NHS: variants seen among roughly 807,000 people sequenced by gnomAD.
NHS encodes NHS actin remodeling regulator, also known as actin remodeling regulator NHS.
Under a neutral mutation model 72.5 loss-of-function variants are expected in NHS, and 5 were observed. The ratio of observed to expected loss-of-function variants is 0.07; its 90% CI spans 0.04 to 0.14. The LOEUF (loss-of-function observed/expected upper bound fraction) is 0.14. Among genes scored for constraint, NHS ranks in the 10% least tolerant of loss-of-function variants. The pLI, the probability that NHS is intolerant of heterozygous loss-of-function variation, is 1.00. For synonymous variants in NHS, 464 were observed against 547.7 expected, an observed-to-expected ratio of 0.85 and a Z score of 2.13; for missense variants, 1,072 against 1,355.7, an observed-to-expected ratio of 0.79 and a Z score of 3.29.
At chrX:17,624,898 A>C (rs949159545) in intron 1 of NHS, among the ~76,000 whole-genome samples, 2 of 112,465 alleles carry the variant, frequency 1.8e-5, no homozygotes, top group African/African-American at 6.5e-5. Context: ...CCTCTAGAAC[A>C]GCAATTGTCA....
intron 1 of NHS, among the ~76,000 whole-genome samples, chrX:17,656,593 C>T (rs921130967): frequency 8.9e-6 from 1 of 112,531 alleles, no homozygotes; most frequent in East Asian, 2.8e-4. Context: ...CCGCGCATAG[C>T]TCGCAGGGGC....
intron 1 of NHS, among the ~76,000 whole-genome samples, chrX:17,549,187 GA>G (rs1450450896): frequency 9.0e-5 from 4 of 44,581 alleles, no homozygotes; most frequent in Non-Finnish European, 1.6e-4. Flanking sequence ...ATTAGCATCA[GA>G]AAAACAGCCC....
intron 3 of NHS, among the ~76,000 whole-genome samples, chrX:17,698,958 T>C (rs1029245902): frequency 9.0e-6 from 1 of 111,605 alleles, no homozygotes; most frequent in Admixed American, 9.5e-5. Context: ...ATATATCTAA[T>C]GTTAGAGAAA....
chrX:17,523,658 C>T (rs1044662289), intron 1 of NHS, among the ~76,000 whole-genome samples: 17 of 111,148 alleles, frequency 1.5e-4, no homozygotes, highest in African/African-American at 5.6e-4. Flanking sequence ...CCAGTAAATA[C>T]CCCAAAAGCT....
chrX:17,600,125 G>A (rs1293820570), intron 1 of NHS, among the ~76,000 whole-genome samples: 1 of 111,919 alleles, frequency 8.9e-6, no homozygotes, highest in East Asian at 2.8e-4. Flanking sequence ...TTTTAATAAT[G>A]TAAAGGTATA....
chrX:17,650,083 G>A (rs955290439), intron 1 of NHS, among the ~76,000 whole-genome samples: 9 of 112,266 alleles, frequency 8.0e-5, no homozygotes, highest in East Asian at 2.8e-4. Flanking sequence ...CAGGAAACTC[G>A]CCCTAGGTAA....
intron 1 of NHS, among the ~76,000 whole-genome samples, chrX:17,566,163 TG>T (rs1377136388): frequency 1.8e-5 from 2 of 109,648 alleles, no homozygotes; most frequent in Non-Finnish European, 3.8e-5. Context: ...ATTTTTTTTT[TG>T]TAGAGACGGA....
At chrX:17,722,888 T>C (rs1039602394) in intron 5 of NHS, among the ~76,000 whole-genome samples, 7 of 111,449 alleles carry the variant, frequency 6.3e-5, no homozygotes, top group African/African-American at 9.8e-5. Flanking sequence ...TGGGCCATTA[T>C]TTTATGATTG....
At chrX:17,695,153 T>C (rs1319193820) in intron 3 of NHS, among the ~76,000 whole-genome samples, 1 of 112,089 alleles carries the variant, frequency 8.9e-6, no homozygotes, top group Non-Finnish European at 1.9e-5. Context: ...GAAGTATAAA[T>C]TGTTACACTC....
chrX:17,727,044 T>C lies in NHS; in HGVS notation c.2938T>C (p.Ser980Pro). ...TACCACAGTCATTGAATGCATCAAATCTCCAGAGAGCTCTGAATCCCAAAC... is the reference window on the plus strand; with the variant it reads ...TACCACAGTCATTGAATGCATCAAACCTCCAGAGAGCTCTGAATCCCAAAC... ...TGTTVIECIKSPESSESQTSQ... is the reference protein window; with the variant it reads ...TGTTVIECIKPPESSESQTSQ... The change falls in exon 7 of 9, where the codon TCT (serine) becomes CCT (proline). Residue 980 changes from serine (S) to proline (P), a missense_variant. Ser to Pro is a moderately conservative substitution (Grantham distance 74, BLOSUM62 -1). Coordinates refer to ENST00000676302, the MANE Select transcript of NHS (RefSeq NM_001291867.2). 1 of 1,211,496 alleles carries C rather than the reference T, an allele frequency of 8.3e-7. No individual in the cohort carries two copies. Among genetic ancestry groups the C allele is most frequent in the Non-Finnish European group, 1.1e-6 (1 of 895,416 alleles).
chrX:17,467,746 C>G (rs2064876229), intron 1 of NHS, among the ~76,000 whole-genome samples: 1 of 111,669 alleles, frequency 9.0e-6, no homozygotes, highest in African/African-American at 3.3e-5. Flanking sequence ...CAAAACCACA[C>G]AAGGATTTTT....
intron 1 of NHS, among the ~76,000 whole-genome samples, chrX:17,413,720 CTA>C (rs1379841257): frequency 9.0e-6 from 1 of 111,539 alleles, no homozygotes; most frequent in African/African-American, 3.3e-5. Context: ...AGCTATCACT[CTA>C]TTAATCCTTT....
intron 1 of NHS, among the ~76,000 whole-genome samples, chrX:17,507,755 G>A (rs766103824): frequency 1.6e-3 from 180 of 111,630 alleles, no homozygotes; most frequent in African/African-American, 5.8e-3. Flanking sequence ...CTGAGCAAAA[G>A]GTGTGTGTTC....
At chrX:17,425,929 A>G (rs1487280799) in intron 1 of NHS, 1 of 112,799 alleles carries the variant, frequency 8.9e-6, no homozygotes, top group Non-Finnish European at 1.9e-5. Context: ...TGTGATGTCC[A>G]GGAGATCCAG....
chrX:17,389,553 AG>A (rs1265929872), intron 1 of NHS, among the ~76,000 whole-genome samples: 2 of 110,794 alleles, frequency 1.8e-5, no homozygotes, highest in Non-Finnish European at 3.8e-5. Context: ...CAGAGGTGCC[AG>A]GGGTAACTTA....
At chrX:17,722,297 T>C (rs1283881214) in intron 5 of NHS, among the ~76,000 whole-genome samples, 1 of 112,533 alleles carries the variant, frequency 8.9e-6, no homozygotes, top group Non-Finnish European at 1.9e-5. Context: ...CAATTGGATC[T>C]AGTAATCTTA....
intron 1 of NHS, among the ~76,000 whole-genome samples, chrX:17,454,509 A>G (rs1432380626): frequency 8.9e-6 from 1 of 112,185 alleles, no homozygotes; most frequent in East Asian, 2.8e-4. Flanking sequence ...GAGATTTACA[A>G]GCTCAGTTCA....
intron 1 of NHS, among the ~76,000 whole-genome samples, chrX:17,568,143 C>A (rs1340722936): frequency 8.9e-6 from 1 of 112,066 alleles, no homozygotes; most frequent in Non-Finnish European, 1.9e-5. Flanking sequence ...TCCCACCCTC[C>A]TGGCCTCTTG....
intron 1 of NHS, among the ~76,000 whole-genome samples, chrX:17,639,500 T>A (rs1416236500): frequency 9.0e-6 from 1 of 111,394 alleles, no homozygotes; most frequent in African/African-American, 3.3e-5. Context: ...GTGGAAGGCA[T>A]CCCAGGGTAA....
Sources: gnomAD v4.1 joint callset for allele counts (sites outside exome capture counted in the v4.1 genomes callset) on GRCh38, gnomAD v4.1.1 for gene constraint, MANE v1.5 for transcripts, NCBI Gene and HGNC (gene_info 2026-07-23, HGNC 2026-07-21) for gene names.